DOK6: variants seen among roughly 807,000 people sequenced by gnomAD.
The protein encoded by DOK6 is docking protein 6.
DOK6 carries 22 observed loss-of-function variants against 44.0 expected under a neutral mutation model. The observed-to-expected ratio is 0.50, with a 90% CI of 0.36 to 0.71. DOK6 has a LOEUF of 0.71. Ranked by LOEUF, DOK6 falls within the 30% of genes least tolerant of loss-of-function variation. DOK6 has a pLI of 0.00. For missense variants in DOK6, 340 were observed against 416.4 expected, an observed-to-expected ratio of 0.82 and a Z score of 1.60; for synonymous variants, 166 against 145.5, an observed-to-expected ratio of 1.14 and a Z score of -1.01.
At chr18:69,696,717 T>C (rs886839138) in intron 4 of DOK6, among the ~76,000 whole-genome samples, 8 of 152,208 alleles carry the variant, frequency 5.3e-5, no homozygotes, top group African/African-American at 9.7e-5. Context: ...CCAAGTTTCA[T>C]TTATTGTTTT....
intron 1 of DOK6, among the ~76,000 whole-genome samples, chr18:69,561,571 T>C (rs1045669760): frequency 6.6e-6 from 1 of 152,100 alleles, no homozygotes; most frequent in Non-Finnish European, 1.5e-5. Context: ...GAGCTTTATG[T>C]AGAAAGAACA....
chr18:69,594,736 G>C (rs948808521), intron 2 of DOK6, among the ~76,000 whole-genome samples: 2 of 151,864 alleles, frequency 1.3e-5, no homozygotes, highest in African/African-American at 4.8e-5. Flanking sequence ...CACCTGCAAT[G>C]CTAACACTTT....
At chr18:69,538,610 T>C (rs1345996741) in intron 1 of DOK6, among the ~76,000 whole-genome samples, 1 of 152,118 alleles carries the variant, frequency 6.6e-6, no homozygotes, top group African/African-American at 2.4e-5. Flanking sequence ...CTCCAACTCC[T>C]AGGCTCAAGC....
intron 3 of DOK6, among the ~76,000 whole-genome samples, chr18:69,601,805 G>A (rs778042243): frequency 2.0e-5 from 3 of 152,154 alleles, no homozygotes; most frequent in Non-Finnish European, 4.4e-5. Flanking sequence ...TAGGACCGGG[G>A]CATGAAATAC....
At chr18:69,760,624 C>T (rs1284768908) in intron 7 of DOK6, among the ~76,000 whole-genome samples, 6 of 151,932 alleles carry the variant, frequency 3.9e-5, no homozygotes, top group African/African-American at 1.2e-4. Flanking sequence ...GGCTTACTTC[C>T]GGGATCTTGT....
intron 6 of DOK6, among the ~76,000 whole-genome samples, chr18:69,750,085 A>G (rs1979126650): frequency 6.7e-6 from 1 of 148,498 alleles, no homozygotes; most frequent in Non-Finnish European, 1.5e-5. Flanking sequence ...ATATAAAAAC[A>G]TGTATGTGTT....
intron 1 of DOK6, chr18:69,469,635 C>G: frequency 4.5e-6 from 1 of 223,692 alleles, no homozygotes; most frequent in Non-Finnish European, 9.4e-6. Flanking sequence ...TGCTAGCCTA[C>G]TTCCTGCCGG....
intron 6 of DOK6, among the ~76,000 whole-genome samples, chr18:69,755,897 G>C (rs1447866537): frequency 6.6e-6 from 1 of 151,652 alleles, no homozygotes; most frequent in Non-Finnish European, 1.5e-5. Context: ...TCTCAGCAAA[G>C]AGAGGGGTCC....
chr18:69,457,827 A>G (rs1030676047), intron 1 of DOK6, among the ~76,000 whole-genome samples: 2 of 152,168 alleles, frequency 1.3e-5, no homozygotes, highest in African/African-American at 2.4e-5. Flanking sequence ...AGCATTTGGT[A>G]GTTCTCCAGC....
chr18:69,520,513 C>A (rs1462589130), intron 1 of DOK6, among the ~76,000 whole-genome samples: 2 of 151,698 alleles, frequency 1.3e-5, no homozygotes, highest in Non-Finnish European at 3.0e-5. Context: ...AGTCTAAAAT[C>A]GAAAATGCTC....
At chr18:69,556,131 T>C (rs1008394648) in intron 1 of DOK6, among the ~76,000 whole-genome samples, 3 of 152,202 alleles carry the variant, frequency 2.0e-5, no homozygotes, top group Non-Finnish European at 4.4e-5. Flanking sequence ...GTTCTCTCAC[T>C]GCTTAGAGCT....
intron 7 of DOK6, among the ~76,000 whole-genome samples, chr18:69,839,006 C>A (rs74374673): frequency 0.13 from 19,106 of 149,992 alleles, 1,341 homozygotes; most frequent in African/African-American, 0.15. Flanking sequence ...AACTCCTCCC[C>A]TAGATGTTCT....
rs557247243 is a variant in DOK6, at chr18:69,521,929, TA to T, written c.67-42551del. ...CAATTATTATGTGGCAGTTAAAATT[TA>T]AAAAAATTATAATATAAAAAATAAA... is the stretch of plus-strand genomic sequence containing the variant. On this transcript the variant is annotated intron_variant, in intron 1 of 7. Coordinates refer to ENST00000382713, the MANE Select transcript of DOK6 (RefSeq NM_152721.6). Among the ~76,000 whole-genome samples the T allele has an allele frequency of 1.2e-3, 181 of 152,026 alleles. 2 individuals are homozygous for T. Among genetic ancestry groups the T allele is most frequent in the African/African-American group, 4.0e-3 (168 of 41,538 alleles).
At chr18:69,573,684 T>C (rs188364181) in intron 2 of DOK6, among the ~76,000 whole-genome samples, 1 of 152,110 alleles carries the variant, frequency 6.6e-6, no homozygotes, top group Non-Finnish European at 1.5e-5. Context: ...ATTTTGATTT[T>C]ATTTTAGTAA....
chr18:69,692,338 G>T (rs967065518), intron 4 of DOK6, among the ~76,000 whole-genome samples: 2 of 152,204 alleles, frequency 1.3e-5, no homozygotes, highest in Non-Finnish European at 2.9e-5. Context: ...CTGAGATACC[G>T]CCAGGGGCAA....
intron 1 of DOK6, among the ~76,000 whole-genome samples, chr18:69,544,714 C>T (rs1185124627): frequency 6.6e-6 from 1 of 151,394 alleles, no homozygotes; most frequent in Admixed American, 6.6e-5. Context: ...CTGAACTGCT[C>T]GTACATAGAA....
intron 1 of DOK6, among the ~76,000 whole-genome samples, chr18:69,476,756 G>T (rs1330463801): frequency 6.6e-6 from 1 of 152,186 alleles, no homozygotes; most frequent in Non-Finnish European, 1.5e-5. Context: ...GAGAGGGCGT[G>T]AGAGAATAAG....
chr18:69,678,306 A>G lies in DOK6; in HGVS notation c.409+453A>G, dbSNP rs1985970202. On this transcript the variant is annotated intron_variant, in intron 4 of 7. Coordinates refer to ENST00000382713, the MANE Select transcript of DOK6 (RefSeq NM_152721.6). ...CAAGTTATTAAGGGACTTTCCCACAATGGTGTAACAACTGGAGAAAATGCT... is the reference window on the plus strand; with the variant it reads ...CAAGTTATTAAGGGACTTTCCCACAGTGGTGTAACAACTGGAGAAAATGCT... Among the ~76,000 whole-genome samples, 3 of 152,178 alleles carry G rather than the reference A, an allele frequency of 2.0e-5. No individual in the cohort carries two copies. The South Asian group carries it at 6.2e-4, about 31-fold the overall frequency.
intron 5 of DOK6, among the ~76,000 whole-genome samples, chr18:69,717,942 G>A (rs1213069059): frequency 4.6e-5 from 7 of 152,194 alleles, no homozygotes; most frequent in Admixed American, 6.5e-5. Context: ...CAAAGAATCG[G>A]AATATAGAAA....
Sources: gnomAD v4.1 joint callset for allele counts (sites outside exome capture counted in the v4.1 genomes callset) on GRCh38, gnomAD v4.1.1 for gene constraint, MANE v1.5 for transcripts, NCBI Gene and HGNC (gene_info 2026-07-23, HGNC 2026-07-21) for gene names.